Variants in PCSK5 observed in about 807,000 individuals in gnomAD.
The protein encoded by PCSK5 is proprotein convertase subtilisin/kexin type 5, also known as prohormone convertase 5.
PCSK5 carries 129 observed loss-of-function variants against 233.2 expected under a neutral mutation model. That is an observed-to-expected ratio of 0.55 (90% CI 0.48 to 0.64). The LOEUF (loss-of-function observed/expected upper bound fraction) is 0.64. Among genes scored for constraint, PCSK5 ranks in the 30% least tolerant of loss-of-function variants. The probability of loss-of-function intolerance (pLI) is 0.00; values close to 1 mark genes in which losing one functional copy is unlikely to be tolerated. For synonymous variants in PCSK5, 825 were observed against 879.2 expected, an observed-to-expected ratio of 0.94 and a Z score of 1.09; for missense variants, 2,076 against 2,430.1, an observed-to-expected ratio of 0.85 and a Z score of 3.06.
chr9:76,028,450 G>A (rs896487754), intron 5 of PCSK5, among the ~76,000 whole-genome samples: 9 of 152,120 alleles, frequency 5.9e-5, no homozygotes, highest in Admixed American at 1.3e-4. Context: ...TAGGAAGTGG[G>A]GAGTGCTGAT....
chr9:76,070,730 A>T, intron 6 of PCSK5, among the ~76,000 whole-genome samples: 1 of 152,308 alleles, frequency 6.6e-6, no homozygotes, highest in East Asian at 1.9e-4. Flanking sequence ...TATTTCTACC[A>T]GTATTCCCAC....
At position 76,085,744 on chromosome 9, in the gene PCSK5, C is replaced by T. The variant is rs141546023; in HGVS notation, c.895-10146C>T. 1.3e-3 allele frequency among the ~76,000 whole-genome samples: 205 copies of T among 152,250 alleles called. No individual in the cohort carries two copies. In the East Asian group the frequency reaches 0.02, roughly 15 times the overall value. ...GTATTATTACTTCATGTAGTAGAGG[C>T]GTGTGACAGTTCAGGCCCCATGCTG... On this transcript the variant is annotated intron_variant, in intron 7 of 37. Coordinates refer to ENST00000674117, the MANE Select transcript of PCSK5 (RefSeq NM_001372043.1).
intron 9 of PCSK5, among the ~76,000 whole-genome samples, chr9:76,129,783 G>A (rs919526899): frequency 9.2e-5 from 14 of 152,138 alleles, no homozygotes; most frequent in African/African-American, 2.9e-4. Flanking sequence ...TACACAAAAT[G>A]TCTCTCTTAG....
chr9:76,253,828 T>C (rs2131348616), intron 24 of PCSK5, among the ~76,000 whole-genome samples: 1 of 152,354 alleles, frequency 6.6e-6, no homozygotes, highest in South Asian at 2.1e-4. Flanking sequence ...GCAGTTTGTT[T>C]GGAGCAACCT....
chr9:76,243,378 C>T (rs1042649192), intron 24 of PCSK5, among the ~76,000 whole-genome samples: 1 of 152,148 alleles, frequency 6.6e-6, no homozygotes, highest in African/African-American at 2.4e-5. Context: ...TCTTAGAAGA[C>T]AACCTGCCAG....
At chr9:76,358,460 A>T in intron 37 of PCSK5, 53 bp from the exon 38 acceptor site, 2 of 1,421,418 alleles carry the variant, frequency 1.4e-6, no homozygotes, top group Non-Finnish European at 1.9e-6. Flanking sequence ...TCTCTATTCT[A>T]TTTCTTTCAC....
intron 22 of PCSK5, among the ~76,000 whole-genome samples, chr9:76,236,528 T>C (rs1048238713): frequency 6.6e-6 from 1 of 152,346 alleles, no homozygotes; most frequent in Middle Eastern, 3.4e-3. Flanking sequence ...TATAATAATT[T>C]AAAGTCGAAG....
intron 3 of PCSK5, among the ~76,000 whole-genome samples, chr9:76,003,764 A>C (rs186220752): frequency 8.5e-5 from 13 of 152,258 alleles, no homozygotes; most frequent in Admixed American, 2.6e-4. Flanking sequence ...TTTTGATTCC[A>C]GAACACAGGG....
At chr9:76,110,194 C>T (rs1448219016) in intron 9 of PCSK5, among the ~76,000 whole-genome samples, 1 of 152,140 alleles carries the variant, frequency 6.6e-6, no homozygotes, top group Non-Finnish European at 1.5e-5. Flanking sequence ...AGAGTTATGA[C>T]TCAGGACACT....
intron 20 of PCSK5, among the ~76,000 whole-genome samples, chr9:76,202,569 A>T (rs1364679152): frequency 6.6e-6 from 1 of 152,050 alleles, no homozygotes; most frequent in Non-Finnish European, 1.5e-5. Context: ...TTCCCCAAGT[A>T]TTTTCCTGCC....
chr9:76,156,097 T>C (rs1260452544), intron 10 of PCSK5, among the ~76,000 whole-genome samples: 1 of 152,228 alleles, frequency 6.6e-6, no homozygotes, highest in Non-Finnish European at 1.5e-5. Flanking sequence ...CATGTGATGA[T>C]AATAAAAAAT....
At chr9:76,353,192 T>C (rs927953732) in intron 36 of PCSK5, among the ~76,000 whole-genome samples, 1 of 152,222 alleles carries the variant, frequency 6.6e-6, no homozygotes, top group Admixed American at 6.5e-5. Context: ...CCTTCTTCTT[T>C]TTCTGTCATA....
intron 9 of PCSK5, among the ~76,000 whole-genome samples, chr9:76,121,586 T>A (rs1043865336): frequency 6.6e-6 from 1 of 152,206 alleles, no homozygotes; most frequent in Non-Finnish European, 1.5e-5. Context: ...AGAGTCAAGC[T>A]TTTAACCCAC....
chr9:75,902,151 G>A (rs1277357870), intron 1 of PCSK5, among the ~76,000 whole-genome samples: 1 of 146,410 alleles, frequency 6.8e-6, no homozygotes, highest in East Asian at 2.0e-4. Flanking sequence ...AGGAGGTGGA[G>A]GTTGCAGTGA....
chr9:76,270,100 T>C (rs899562702), intron 24 of PCSK5, among the ~76,000 whole-genome samples: 1 of 152,182 alleles, frequency 6.6e-6, no homozygotes, highest in South Asian at 2.1e-4. Context: ...TTTTTTCAGA[T>C]AACAGGACTT....
intron 30 of PCSK5, among the ~76,000 whole-genome samples, chr9:76,317,377 A>G (rs1829062986): frequency 6.6e-6 from 1 of 152,152 alleles, no homozygotes. Context: ...AAAACAAAAC[A>G]AAGAAATGTG....
At position 76,308,710 on chromosome 9, in the gene PCSK5, T is replaced by C; in HGVS notation, c.3670T>C (p.Cys1224Arg). The change falls in exon 29 of 38, where the codon TGC (cysteine) becomes CGC (arginine). Residue 1224 changes from cysteine (C) to arginine (R), a missense_variant. Around this residue, in one of 6 missense-constraint regions of PCSK5, gnomAD observed 1,510 missense variants for 1,538.1 expected, o/e 0.98. Transcript: ENST00000674117. ...CKTCNGSATL[C>R]TSCPKGAYLL... Reference sequence around the variant, plus strand: ...AACCTGCAATGGATCTGCAACTCTGTGCACTTCATGTCCCAAAGGTTAGTG... The same window carrying C: ...AACCTGCAATGGATCTGCAACTCTGCGCACTTCATGTCCCAAAGGTTAGTG... 6.2e-7 allele frequency: 1 copy of C among 1,608,768 alleles called. No homozygotes were observed. Among genetic ancestry groups the C allele is most frequent in the Non-Finnish European group, 8.5e-7 (1 of 1,176,236 alleles).
intron 8 of PCSK5, among the ~76,000 whole-genome samples, chr9:76,098,655 C>A (rs1831633897): frequency 6.6e-6 from 1 of 152,164 alleles, no homozygotes; most frequent in Admixed American, 6.5e-5. Flanking sequence ...TCCTATTATT[C>A]TCTATGGGGT....
At chr9:76,220,071 G>A (rs1299669583) in intron 20 of PCSK5, among the ~76,000 whole-genome samples, 6 of 152,094 alleles carry the variant, frequency 3.9e-5, no homozygotes, top group Non-Finnish European at 7.4e-5. Context: ...CACAGGAATA[G>A]CAAAAGACAG....
Sources: gnomAD v4.1 joint callset for allele counts (sites outside exome capture counted in the v4.1 genomes callset) on GRCh38, gnomAD v4.1.1 for gene constraint, gnomAD v4.1.1 regional missense constraint, MANE v1.5 for transcripts, NCBI Gene and HGNC (gene_info 2026-07-23, HGNC 2026-07-21) for gene names.